MED12L: variants seen among roughly 807,000 people sequenced by gnomAD.
MED12L encodes mediator complex subunit 12L, also known as mediator of RNA polymerase II transcription subunit 12-like protein.
Under a neutral mutation model 281.3 loss-of-function variants are expected in MED12L, and 60 were observed. The observed-to-expected ratio is 0.21, with a 90% confidence interval of 0.17 to 0.26. The LOEUF is 0.26. Ranked by LOEUF, MED12L falls within the 10% of genes least tolerant of loss-of-function variation. The probability of loss-of-function intolerance (pLI) is 1.00; values close to 1 mark genes in which losing one functional copy is unlikely to be tolerated. For synonymous variants in MED12L, 974 were observed against 987.2 expected, an observed-to-expected ratio of 0.99 and a Z score of 0.25; for missense variants, 2,146 against 2,680.9, an observed-to-expected ratio of 0.80 and a Z score of 4.41.
intron 16 of MED12L, among the ~76,000 whole-genome samples, chr3:151,347,160 C>G (rs2149999434): frequency 6.6e-6 from 1 of 152,142 alleles, no homozygotes; most frequent in African/African-American, 2.4e-5. Flanking sequence ...AACTTTTTTA[C>G]TCTAGCTTTG....
intron 4 of MED12L, among the ~76,000 whole-genome samples, chr3:151,123,519 A>G (rs1046678002): frequency 6.6e-6 from 1 of 152,166 alleles, no homozygotes; most frequent in Admixed American, 6.5e-5. Context: ...TTCTTTTAAA[A>G]TCTTTGCCTT....
chr3:151,412,162 C>A (rs1485423235), intron 41 of MED12L, among the ~76,000 whole-genome samples: 1 of 152,072 alleles, frequency 6.6e-6, no homozygotes, highest in African/African-American at 2.4e-5. Flanking sequence ...TTCAAGTGTT[C>A]AGTGGTAGCC....
At chr3:151,185,237 T>C in intron 11 of MED12L, 93 bp from the exon 12 acceptor site, 1 of 1,252,082 alleles carries the variant, frequency 8.0e-7, no homozygotes, top group South Asian at 1.7e-5. Flanking sequence ...AAAAAAGCTT[T>C]AAAGTGTTAG....
intron 31 of MED12L, among the ~76,000 whole-genome samples, chr3:151,379,790 T>G (rs1297885043): frequency 6.6e-6 from 1 of 152,222 alleles, no homozygotes; most frequent in Admixed American, 6.5e-5. Context: ...TTCTTTCTGA[T>G]GTACATTTTT....
At chr3:151,367,432 T>TA (rs1173809470) in intron 23 of MED12L, among the ~76,000 whole-genome samples, 3 of 152,230 alleles carry the variant, frequency 2.0e-5, no homozygotes, top group African/African-American at 7.2e-5. Context: ...AGTATTTTCT[T>TA]ACAGCATTGG....
chr3:151,292,942 C>T (rs758233234), intron 16 of MED12L, among the ~76,000 whole-genome samples: 3 of 152,096 alleles, frequency 2.0e-5, no homozygotes, highest in African/African-American at 4.8e-5. Context: ...CAATTGGGGG[C>T]GGTGATAGCT....
chr3:151,380,999 TA>T (rs2108121464), intron 32 of MED12L, among the ~76,000 whole-genome samples: 1 of 152,314 alleles, frequency 6.6e-6, no homozygotes, highest in South Asian at 2.1e-4. Context: ...TTGGTTTATT[TA>T]GAAATAATTT....
intron 16 of MED12L, among the ~76,000 whole-genome samples, chr3:151,324,878 ACTTTC>A (rs1560028883): frequency 1.3e-5 from 2 of 152,332 alleles, no homozygotes; most frequent in East Asian, 1.9e-4. Context: ...TAAATTCTGC[ACTTTC>A]CTTAGTAGGG....
chr3:151,296,516 A>T (rs1305899409), intron 16 of MED12L, among the ~76,000 whole-genome samples: 1 of 152,086 alleles, frequency 6.6e-6, no homozygotes, highest in Non-Finnish European at 1.5e-5. Flanking sequence ...CTTTGGCTGG[A>T]GGAGTACTTA....
chr3:151,362,880 TA>T (rs2150088592), intron 21 of MED12L, among the ~76,000 whole-genome samples: 1 of 152,324 alleles, frequency 6.6e-6, no homozygotes, highest in Non-Finnish European at 1.5e-5. Context: ...TGTCACAATT[TA>T]AAAATACTTA....
intron 16 of MED12L, among the ~76,000 whole-genome samples, chr3:151,346,531 G>A (rs2149996018): frequency 6.6e-6 from 1 of 152,194 alleles, no homozygotes; most frequent in African/African-American, 2.4e-5. Context: ...TTCACACATG[G>A]TTTGTCAGTA....
chr3:151,330,408 C>T (rs1024506006), intron 16 of MED12L, among the ~76,000 whole-genome samples: 1 of 152,120 alleles, frequency 6.6e-6, no homozygotes, highest in Non-Finnish European at 1.5e-5. Context: ...AACATTGGGC[C>T]AATATCTGTG....
chr3:151,381,542 TC>T (rs754919480), intron 32 of MED12L, among the ~76,000 whole-genome samples: 2 of 152,218 alleles, frequency 1.3e-5, no homozygotes, highest in African/African-American at 2.4e-5. Flanking sequence ...GTGCATCTTT[TC>T]TTCCCTTTAG....
intron 2 of MED12L, among the ~76,000 whole-genome samples, chr3:151,103,552 A>G (rs1721641100): frequency 6.6e-6 from 1 of 152,184 alleles, no homozygotes; most frequent in Non-Finnish European, 1.5e-5. Flanking sequence ...GAATTTACTG[A>G]GTAGTCAGTC....
chr3:151,306,459 G>A (rs762769124), intron 16 of MED12L, among the ~76,000 whole-genome samples: 6 of 152,190 alleles, frequency 3.9e-5, no homozygotes, highest in Admixed American at 2.0e-4. Context: ...CTGGTGTTAC[G>A]AAAAGCTTCT....
At chr3:151,398,246 A>G (rs17504) in intron 39 of MED12L, among the ~76,000 whole-genome samples, 76,928 of 152,014 alleles carry the variant, frequency 0.51, 19,545 homozygotes, top group Middle Eastern at 0.57. Flanking sequence ...CGTCTGCTAC[A>G]GTTGTTTTGG....
chr3:151,421,965 A>C (rs765366689), intron 43 of MED12L, among the ~76,000 whole-genome samples: 2 of 152,088 alleles, frequency 1.3e-5, no homozygotes, highest in Admixed American at 6.6e-5. Flanking sequence ...TCAAAGTGGT[A>C]ATGGTAACAC....
chr3:151,185,227 A>G, intron 11 of MED12L, 103 bp from the exon 12 acceptor site: 1 of 1,141,132 alleles, frequency 8.8e-7, no homozygotes. Context: ...TAAAACATGG[A>G]AAAAAGCTTT....
At chr3:151,149,105 T>C (rs1718124209) in intron 5 of MED12L, among the ~76,000 whole-genome samples, 1 of 152,172 alleles carries the variant, frequency 6.6e-6, no homozygotes, top group South Asian at 2.1e-4. Context: ...GGGAGGACCT[T>C]ATGGTGTATT....
Sources: allele counts gnomAD v4.1 joint callset (sites outside exome capture counted in the v4.1 genomes callset), GRCh38; gene constraint gnomAD v4.1.1; transcripts MANE v1.5; gene names NCBI Gene and HGNC (gene_info 2026-07-23, HGNC 2026-07-21).